Variants in PRKCE observed in about 807,000 individuals in gnomAD.
The protein encoded by PRKCE is protein kinase C epsilon type.
Under a neutral mutation model 85.4 loss-of-function variants are expected in PRKCE, and 16 were observed. That is an observed-to-expected ratio of 0.19 (90% confidence interval 0.13 to 0.28). The LOEUF is 0.28. Among genes scored for constraint, PRKCE ranks in the 10% least tolerant of loss-of-function variants. The probability of loss-of-function intolerance (pLI) is 1.00; values close to 1 mark genes in which losing one functional copy is unlikely to be tolerated. For synonymous variants in PRKCE, 388 were observed against 371.5 expected (o/e 1.04, Z -0.51); for missense variants, 573 against 975.2 (o/e 0.59, Z 5.49).
intron 1 of PRKCE, among the ~76,000 whole-genome samples, chr2:45,721,433 T>G (rs1680608355): frequency 6.6e-6 from 1 of 152,100 alleles, no homozygotes; most frequent in Non-Finnish European, 1.5e-5. Context: ...AAACTAGTTG[T>G]CAGGGGAGTG....
intron 2 of PRKCE, among the ~76,000 whole-genome samples, chr2:45,937,962 G>A (rs991138368): frequency 2.6e-5 from 4 of 152,140 alleles, no homozygotes; most frequent in African/African-American, 7.2e-5. Context: ...AGGCCCATTC[G>A]CCCTCCTTGC....
chr2:46,032,549 C>A (rs542462777), intron 10 of PRKCE, among the ~76,000 whole-genome samples: 1 of 152,118 alleles, frequency 6.6e-6, no homozygotes, highest in Non-Finnish European at 1.5e-5. Context: ...TTAAAGTCTA[C>A]CGTGTTTTTT....
intron 2 of PRKCE, among the ~76,000 whole-genome samples, chr2:45,889,206 G>C (rs1344749163): frequency 6.6e-6 from 1 of 152,168 alleles, no homozygotes; most frequent in Non-Finnish European, 1.5e-5. Context: ...AACACGCTGT[G>C]GGGTGTGAGT....
intron 2 of PRKCE, among the ~76,000 whole-genome samples, chr2:45,932,047 C>T (rs1442189270): frequency 6.6e-6 from 1 of 152,164 alleles, no homozygotes; most frequent in Admixed American, 6.5e-5. Context: ...GCTGGGTGAC[C>T]AGCATCCAGA....
At chr2:46,126,511 C>T (rs921072627) in intron 11 of PRKCE, among the ~76,000 whole-genome samples, 1 of 151,986 alleles carries the variant, frequency 6.6e-6, no homozygotes. Flanking sequence ...AAGGCATTGG[C>T]GGATGCTGTT....
intron 2 of PRKCE, among the ~76,000 whole-genome samples, chr2:45,874,573 T>C (rs1573703169): frequency 6.6e-6 from 1 of 152,182 alleles, no homozygotes; most frequent in African/African-American, 2.4e-5. Context: ...CTGGCTTGGG[T>C]CTTTAGAAGA....
intron 10 of PRKCE, among the ~76,000 whole-genome samples, chr2:46,019,069 T>C (rs1196341871): frequency 1.3e-5 from 2 of 152,276 alleles, no homozygotes; most frequent in African/African-American, 4.8e-5. Flanking sequence ...CTATTTGGCA[T>C]TGACATAATG....
intron 1 of PRKCE, among the ~76,000 whole-genome samples, chr2:45,789,615 A>G (rs1206813184): frequency 6.6e-6 from 1 of 152,126 alleles, no homozygotes; most frequent in Non-Finnish European, 1.5e-5. Flanking sequence ...TGGGCAACAG[A>G]GTGAGACTGT....
intron 2 of PRKCE, among the ~76,000 whole-genome samples, chr2:45,922,128 C>T (rs1270034559): frequency 6.6e-6 from 1 of 152,084 alleles, no homozygotes; most frequent in Non-Finnish European, 1.5e-5. Flanking sequence ...AGCTGATACT[C>T]CTCTAGGAGG....
In PRKCE at chr2:45,786,258, G is replaced by A. The variant is rs568567970; in HGVS notation, c.349-56742G>A. ...GGGCTTTCCAGGTTGCCTGTCCAGC[G>A]TCTCTGTGTCTCCCTGGCCTGGCCA... On this transcript the variant is annotated intron_variant, in intron 1 of 14. Transcript: ENST00000306156. This position sits in a 1 kb window ranked among gnomAD's most constrained non-coding sequence, Gnocchi z 5.3. Among the ~76,000 whole-genome samples, 4 of 152,298 alleles carry A rather than the reference G, an allele frequency of 2.6e-5. No homozygotes were observed. Among genetic ancestry groups the A allele is most frequent in the Admixed American group, 6.5e-5 (1 of 15,300 alleles).
intron 2 of PRKCE, among the ~76,000 whole-genome samples, chr2:45,968,871 C>A (rs1241041096): frequency 6.6e-6 from 1 of 151,982 alleles, no homozygotes; most frequent in Non-Finnish European, 1.5e-5. Flanking sequence ...GGGGCCATCT[C>A]TCCCTGAGTC....
At chr2:46,116,351 T>C (rs962624216) in intron 11 of PRKCE, among the ~76,000 whole-genome samples, 9 of 152,184 alleles carry the variant, frequency 5.9e-5, no homozygotes, top group African/African-American at 1.7e-4. Context: ...GACACTGCAA[T>C]ATACAGGATT....
intron 2 of PRKCE, among the ~76,000 whole-genome samples, chr2:45,858,049 T>G (rs1414854819): frequency 1.3e-5 from 2 of 152,136 alleles, no homozygotes; most frequent in African/African-American, 4.8e-5. Context: ...GCTGAAGGGA[T>G]GAAAATCAAG....
intron 1 of PRKCE, among the ~76,000 whole-genome samples, chr2:45,768,681 G>A (rs1297289835): frequency 1.3e-5 from 2 of 152,126 alleles, no homozygotes; most frequent in Non-Finnish European, 2.9e-5. Context: ...TTCTTTCTCT[G>A]TTTATCCAAA....
chr2:46,053,724 T>G (rs893660463), intron 10 of PRKCE, among the ~76,000 whole-genome samples: 2 of 152,190 alleles, frequency 1.3e-5, no homozygotes, highest in Non-Finnish European at 2.9e-5. Context: ...TGTATATACA[T>G]ACGACATTTT....
intron 6 of PRKCE, among the ~76,000 whole-genome samples, chr2:45,985,005 A>C (rs1467345788): frequency 6.6e-6 from 1 of 152,168 alleles, no homozygotes; most frequent in African/African-American, 2.4e-5. Flanking sequence ...GAAGAAAAGT[A>C]ATATTTTTGG....
intron 10 of PRKCE, chr2:46,074,102 T>C (rs1013652256): frequency 6.6e-6 from 1 of 152,170 alleles, no homozygotes; most frequent in African/African-American, 2.4e-5. Flanking sequence ...AAGGGAAATA[T>C]TGATGTGCCT....
chr2:45,657,961 C>G (rs980132652), intron 1 of PRKCE, among the ~76,000 whole-genome samples: 2 of 152,238 alleles, frequency 1.3e-5, no homozygotes, highest in Non-Finnish European at 2.9e-5. Flanking sequence ...TGCTGCATCT[C>G]CTACAATGGC....
chr2:45,819,386 C>G (rs56746648), intron 1 of PRKCE, among the ~76,000 whole-genome samples: 3,413 of 152,242 alleles, frequency 0.022, 119 homozygotes, highest in African/African-American at 0.076. Context: ...AGAATGCTGC[C>G]TTTCCTCTGG....
Sources: allele counts gnomAD v4.1 joint callset (sites outside exome capture counted in the v4.1 genomes callset), GRCh38; gene constraint gnomAD v4.1.1; non-coding constraint Gnocchi (gnomAD v3.1); transcripts MANE v1.5; gene names NCBI Gene and HGNC (gene_info 2026-07-23, HGNC 2026-07-21).